SGCZ: variants seen among roughly 807,000 people sequenced by gnomAD.
SGCZ encodes sarcoglycan zeta, also known as zeta-sarcoglycan.
Under a neutral mutation model 41.3 loss-of-function variants are expected in SGCZ, and 40 were observed. The ratio of observed to expected loss-of-function variants is 0.97; its 90% CI spans 0.75 to 1.26. The LOEUF is 1.26. Among genes scored for constraint, SGCZ ranks in the 50% most tolerant of loss-of-function variants. The pLI is 0.00. For synonymous variants in SGCZ, 206 were observed against 137.5 expected (o/e 1.50, Z -3.49); for missense variants, 552 against 369.8 (o/e 1.49, Z -4.04).
chr8:14,380,346 C>A (rs936247423), intron 2 of SGCZ, among the ~76,000 whole-genome samples: 6 of 152,050 alleles, frequency 3.9e-5, no homozygotes, highest in Admixed American at 6.6e-5. Flanking sequence ...TAGATAATCA[C>A]CTATATTTTT....
chr8:14,861,341 G>A (rs766965899), intron 1 of SGCZ, among the ~76,000 whole-genome samples: 10 of 152,100 alleles, frequency 6.6e-5, no homozygotes, highest in Admixed American at 2.6e-4. Flanking sequence ...AGCAGAGAGT[G>A]TTGGTGGAAT....
At chr8:15,234,600 A>G (rs1306934558) in intron 1 of SGCZ, among the ~76,000 whole-genome samples, 4 of 152,232 alleles carry the variant, frequency 2.6e-5, no homozygotes, top group African/African-American at 9.6e-5. Context: ...TTTTCCATCA[A>G]ATAAATCCTT....
intron 1 of SGCZ, among the ~76,000 whole-genome samples, chr8:15,163,750 A>G (rs1399709985): frequency 6.6e-6 from 1 of 152,242 alleles, no homozygotes; most frequent in African/African-American, 2.4e-5. Flanking sequence ...TATTTACAGC[A>G]ATTTGCCCTT....
At chr8:14,572,327 G>C (rs949701214) in intron 1 of SGCZ, among the ~76,000 whole-genome samples, 1 of 152,018 alleles carries the variant, frequency 6.6e-6, no homozygotes, top group African/African-American at 2.4e-5. Flanking sequence ...AAAATGAAAA[G>C]GAATCCTTTT....
intron 1 of SGCZ, among the ~76,000 whole-genome samples, chr8:15,232,280 C>T (rs904565081): frequency 5.9e-5 from 9 of 152,052 alleles, no homozygotes; most frequent in African/African-American, 2.2e-4. Context: ...TAAGCCATCT[C>T]GTGTAGCTAT....
intron 1 of SGCZ, among the ~76,000 whole-genome samples, chr8:14,763,652 C>A (rs902675679): frequency 2.6e-5 from 4 of 152,048 alleles, no homozygotes; most frequent in Admixed American, 6.6e-5. Flanking sequence ...TAGTGAGCCC[C>A]TGGAGATATG....
At chr8:14,845,250 C>T (rs1803059739) in intron 1 of SGCZ, among the ~76,000 whole-genome samples, 2 of 152,262 alleles carry the variant, frequency 1.3e-5, no homozygotes, top group South Asian at 2.1e-4. Context: ...CACACAGATG[C>T]ATCTTGTCTC....
chr8:14,161,458 A>G (rs1804043701), intron 5 of SGCZ: 1 of 152,162 alleles, frequency 6.6e-6, no homozygotes, highest in Non-Finnish European at 1.5e-5. Flanking sequence ...AGACACAGAA[A>G]TGTGATTGGA....
At chr8:14,941,839 A>G (rs1800285078) in intron 1 of SGCZ, among the ~76,000 whole-genome samples, 1 of 151,524 alleles carries the variant, frequency 6.6e-6, no homozygotes, top group Non-Finnish European at 1.5e-5. Flanking sequence ...TGCATGTTAT[A>G]TATGTGTAAA....
At chr8:15,150,611 G>T (rs1799151867) in intron 1 of SGCZ, among the ~76,000 whole-genome samples, 1 of 152,188 alleles carries the variant, frequency 6.6e-6, no homozygotes, top group Non-Finnish European at 1.5e-5. Context: ...GAACAAGTAT[G>T]TTGGGATTCT....
chr8:14,121,402 CTT>C (rs893177611), intron 5 of SGCZ, among the ~76,000 whole-genome samples: 2 of 152,042 alleles, frequency 1.3e-5, no homozygotes, highest in Non-Finnish European at 2.9e-5. Context: ...TTTTGTGAAA[CTT>C]ATAAAAACAA....
At chr8:14,965,833 C>A (rs1426734373) in intron 1 of SGCZ, among the ~76,000 whole-genome samples, 1 of 151,930 alleles carries the variant, frequency 6.6e-6, no homozygotes, top group Non-Finnish European at 1.5e-5. Context: ...ATATCATAAA[C>A]TACAGCAGGG....
At chr8:14,097,970 T>C (rs1485218738) in intron 7 of SGCZ, among the ~76,000 whole-genome samples, 1 of 152,140 alleles carries the variant, frequency 6.6e-6, no homozygotes, top group African/African-American at 2.4e-5. Flanking sequence ...CTTATTCTGC[T>C]GATCACTTAA....
At chr8:14,303,139 A>T (rs1032635446) in intron 3 of SGCZ, among the ~76,000 whole-genome samples, 1 of 152,198 alleles carries the variant, frequency 6.6e-6, no homozygotes, top group Non-Finnish European at 1.5e-5. Flanking sequence ...AATATAAAAG[A>T]AAATAAACGT....
intron 1 of SGCZ, among the ~76,000 whole-genome samples, chr8:14,907,293 C>A (rs377198243): frequency 6.6e-6 from 1 of 152,050 alleles, no homozygotes; most frequent in Admixed American, 6.6e-5. Context: ...CTTATGGCCT[C>A]AAGGGATCCT....
intron 1 of SGCZ, among the ~76,000 whole-genome samples, chr8:14,672,887 G>T (rs1808149614): frequency 6.6e-6 from 1 of 152,130 alleles, no homozygotes; most frequent in African/African-American, 2.4e-5. Context: ...AAATATTTTA[G>T]CCTTTCTGGG....
At position 14,374,887 on chromosome 8, in the gene SGCZ, T is replaced by C. The variant is rs756830976; in HGVS notation, c.235-50683A>G. ...ACATCCTGATGAAGTCTAAGCATTGTTCAAATTTCAGAATGAGAGGGAGAT... is the reference window on the plus strand; with the variant it reads ...ACATCCTGATGAAGTCTAAGCATTGCTCAAATTTCAGAATGAGAGGGAGAT... On this transcript the variant is annotated intron_variant, in intron 2 of 7. Transcript: ENST00000382080. Among the ~76,000 whole-genome samples the C allele has an allele frequency of 4.6e-5, 7 of 152,258 alleles. No homozygotes were observed. In the East Asian group the frequency reaches 9.7e-4, roughly 21 times the overall value.
intron 3 of SGCZ, among the ~76,000 whole-genome samples, chr8:14,287,924 C>G (rs1264673752): frequency 6.6e-6 from 1 of 152,048 alleles, no homozygotes; most frequent in Non-Finnish European, 1.5e-5. Context: ...TTTAGAGGGA[C>G]TATAGGATTT....
intron 1 of SGCZ, among the ~76,000 whole-genome samples, chr8:14,716,950 T>C (rs1264794275): frequency 6.6e-6 from 1 of 152,058 alleles, no homozygotes; most frequent in Non-Finnish European, 1.5e-5. Context: ...ATCTTATTAA[T>C]AATACATGAG....
Sources: allele counts gnomAD v4.1 joint callset (sites outside exome capture counted in the v4.1 genomes callset), GRCh38; gene constraint gnomAD v4.1.1; transcripts MANE v1.5; gene names NCBI Gene and HGNC (gene_info 2026-07-23, HGNC 2026-07-21).